TAFA2: variants seen among roughly 807,000 people sequenced by gnomAD.
The protein encoded by TAFA2 is TAFA chemokine like family member 2, also known as chemokine-like protein TAFA-2.
A neutral mutation model predicts 18.8 loss-of-function variants in TAFA2; 7 were observed. The ratio of observed to expected loss-of-function variants is 0.37; its 90% confidence interval spans 0.21 to 0.70. The LOEUF (loss-of-function observed/expected upper bound fraction) is 0.70, where lower values mean the gene tolerates loss of function less well. Among genes scored for constraint, TAFA2 ranks in the 30% least tolerant of loss-of-function variants. The pLI, the probability that TAFA2 is intolerant of heterozygous loss-of-function variation, is 0.53. For missense variants in TAFA2, 122 were observed against 158.1 expected (o/e 0.77, Z 1.23); for synonymous variants, 60 against 54.2 (o/e 1.11, Z -0.47).
chr12:61,981,488 A>G lies in TAFA2; in HGVS notation c.-1-114062T>C, dbSNP rs541590092. 4.6e-5 allele frequency among the ~76,000 whole-genome samples: 7 copies of G among 152,370 alleles called. No homozygotes were observed. The South Asian group carries it at 1.0e-3, about 23-fold the overall frequency. Reference sequence around the variant, plus strand: ...TCTAATTAAACTAAAGAGCTTCTGCATGGCAAAAGAAACTACCATCACAGT... The same window carrying G: ...TCTAATTAAACTAAAGAGCTTCTGCGTGGCAAAAGAAACTACCATCACAGT... On this transcript the variant is annotated intron_variant, in intron 1 of 4. Coordinates refer to ENST00000416284, the MANE Select transcript of TAFA2 (RefSeq NM_178539.5).
At chr12:61,927,171 A>G (rs754315529) in intron 1 of TAFA2, among the ~76,000 whole-genome samples, 10 of 151,962 alleles carry the variant, frequency 6.6e-5, no homozygotes, top group Non-Finnish European at 1.3e-4. Context: ...CAGGGCAATC[A>G]GGCAACAGAA....
intron 1 of TAFA2, among the ~76,000 whole-genome samples, chr12:61,969,090 G>A (rs17125550): frequency 0.01 from 1,524 of 151,692 alleles, 37 homozygotes; most frequent in African/African-American, 0.033. Flanking sequence ...TTTCCCTTTC[G>A]AATACGTTGT....
chr12:62,237,993 C>T (rs1190826033), intron 1 of TAFA2, among the ~76,000 whole-genome samples: 1 of 152,214 alleles, frequency 6.6e-6, no homozygotes, highest in African/African-American at 2.4e-5. Context: ...CTGGGGTCTC[C>T]AGTCCTGCCT....
At chr12:61,873,157 T>C (rs1874691970) in intron 1 of TAFA2, among the ~76,000 whole-genome samples, 1 of 152,166 alleles carries the variant, frequency 6.6e-6, no homozygotes, top group Non-Finnish European at 1.5e-5. Flanking sequence ...ACTTCTTTTA[T>C]ATTAACAACT....
intron 1 of TAFA2, among the ~76,000 whole-genome samples, chr12:61,994,693 A>AT (rs1025549787): frequency 6.6e-5 from 10 of 151,804 alleles, no homozygotes; most frequent in African/African-American, 1.9e-4. Flanking sequence ...TCCCTTCCTC[A>AT]TTTTTTTATA....
At chr12:61,941,957 CA>C (rs2121423633) in intron 1 of TAFA2, among the ~76,000 whole-genome samples, 1 of 152,132 alleles carries the variant, frequency 6.6e-6, no homozygotes, top group East Asian at 1.9e-4. Context: ...CACCACAGCT[CA>C]AGGAGGCCTG....
rs138952374 is a variant in TAFA2 at position 61,884,903 on chromosome 12, G to A, written c.-1-17477C>T. Among the ~76,000 whole-genome samples, 12 of 152,226 alleles carry A rather than the reference G, an allele frequency of 7.9e-5. No individual in the cohort carries two copies. The East Asian group carries it at 2.1e-3, about 27-fold the overall frequency. On this transcript the variant is annotated intron_variant, in intron 1 of 4. Coordinates refer to ENST00000416284, the MANE Select transcript of TAFA2 (RefSeq NM_178539.5). Reference sequence around the variant, plus strand: ...AAAAGCATTTCAAATGTGGAAGCCTGCCTTCTTTTATGAGTTTTTCACTCC... The same window carrying A: ...AAAAGCATTTCAAATGTGGAAGCCTACCTTCTTTTATGAGTTTTTCACTCC...
intron 2 of TAFA2, among the ~76,000 whole-genome samples, chr12:61,799,470 A>G (rs932367810): frequency 8.5e-5 from 13 of 152,308 alleles, no homozygotes; most frequent in Admixed American, 5.2e-4. Context: ...TAAGACTACT[A>G]TCGAAGTCTC....
At chr12:61,857,941 T>C (rs1459590801) in intron 2 of TAFA2, among the ~76,000 whole-genome samples, 1 of 152,238 alleles carries the variant, frequency 6.6e-6, no homozygotes, top group Non-Finnish European at 1.5e-5. Context: ...TTCCTGCTTC[T>C]GGCTTCAGAA....
intron 2 of TAFA2, among the ~76,000 whole-genome samples, chr12:61,806,481 AG>A (rs2120989069): frequency 6.6e-6 from 1 of 152,328 alleles, no homozygotes; most frequent in Admixed American, 6.5e-5. Context: ...CTTTATCAGC[AG>A]TGTGAAAACA....
intron 2 of TAFA2, among the ~76,000 whole-genome samples, chr12:61,819,264 T>C (rs1872221083): frequency 6.6e-6 from 1 of 152,196 alleles, no homozygotes; most frequent in South Asian, 2.1e-4. Context: ...TACTTACTTC[T>C]AAATGTACTA....
intron 1 of TAFA2, among the ~76,000 whole-genome samples, chr12:62,073,128 G>A (rs887977362): frequency 1.3e-5 from 2 of 152,182 alleles, no homozygotes; most frequent in African/African-American, 4.8e-5. Flanking sequence ...TAGTATCATG[G>A]AAAACAAAAG....
intron 2 of TAFA2, among the ~76,000 whole-genome samples, chr12:61,857,585 C>G (rs1269184755): frequency 6.6e-6 from 1 of 152,196 alleles, no homozygotes; most frequent in Non-Finnish European, 1.5e-5. Flanking sequence ...TCCCAGGCTG[C>G]TCTGCCAGCT....
At chr12:61,807,911 T>C (rs1455739732) in intron 2 of TAFA2, among the ~76,000 whole-genome samples, 1 of 151,580 alleles carries the variant, frequency 6.6e-6, no homozygotes. Flanking sequence ...AACTTGCTTT[T>C]GATTTTACAG....
chr12:61,878,641 T>A (rs960175028), intron 1 of TAFA2, among the ~76,000 whole-genome samples: 1 of 152,184 alleles, frequency 6.6e-6, no homozygotes, highest in East Asian at 1.9e-4. Context: ...TATGTCCTTT[T>A]AATTTTGAGC....
chr12:61,860,137 T>A (rs1376403065), intron 2 of TAFA2, among the ~76,000 whole-genome samples: 1 of 152,194 alleles, frequency 6.6e-6, no homozygotes, highest in Admixed American at 6.5e-5. Flanking sequence ...GTATAACATG[T>A]TTATGAATTA....
At chr12:61,957,728 C>G (rs748108757) in intron 1 of TAFA2, among the ~76,000 whole-genome samples, 1 of 152,098 alleles carries the variant, frequency 6.6e-6, no homozygotes, top group Non-Finnish European at 1.5e-5. Context: ...CGTATCTCCT[C>G]TGCAGGTGAG....
At chr12:61,810,659 T>G (rs1459469038) in intron 2 of TAFA2, among the ~76,000 whole-genome samples, 1 of 151,128 alleles carries the variant, frequency 6.6e-6, no homozygotes, top group Non-Finnish European at 1.5e-5. Context: ...GAGACTACAT[T>G]TCCCAGCTTC....
At chr12:61,931,305 A>G (rs544337822) in intron 1 of TAFA2, among the ~76,000 whole-genome samples, 4 of 152,176 alleles carry the variant, frequency 2.6e-5, no homozygotes, top group Admixed American at 2.6e-4. Context: ...TAGATTGGAA[A>G]TCTCAGGTAC....
Sources: gnomAD v4.1 joint callset for allele counts (sites outside exome capture counted in the v4.1 genomes callset) on GRCh38, gnomAD v4.1.1 for gene constraint, MANE v1.5 for transcripts, NCBI Gene and HGNC (gene_info 2026-07-23, HGNC 2026-07-21) for gene names.